Variants in MEGF11 observed in about 807,000 individuals in gnomAD.
MEGF11 encodes the protein multiple epidermal growth factor-like domains protein 11.
Under a neutral mutation model 146.6 loss-of-function variants are expected in MEGF11, and 126 were observed. The observed-to-expected ratio is 0.86, with a 90% confidence interval of 0.74 to 1.00. MEGF11 has a LOEUF of 1.00. Among genes scored for constraint, MEGF11 ranks in the 50% least tolerant of loss-of-function variants. MEGF11 has a pLI of 0.00. For missense variants in MEGF11, 1,509 were observed against 1,521.2 expected, an observed-to-expected ratio of 0.99 and a Z score of 0.13; for synonymous variants, 532 against 583.4, an observed-to-expected ratio of 0.91 and a Z score of 1.27.
At chr15:66,079,537 A>ACTCC (rs1555468258) in intron 5 of MEGF11, among the ~76,000 whole-genome samples, 1 of 122,060 alleles carries the variant, frequency 8.2e-6, no homozygotes, top group African/African-American at 3.5e-5. Flanking sequence ...CTTCATTCAC[A>ACTCC]CCCCCCCCCC....
chr15:66,012,666 C>T (rs886748390), intron 5 of MEGF11, among the ~76,000 whole-genome samples: 5 of 152,202 alleles, frequency 3.3e-5, no homozygotes, highest in Admixed American at 2.6e-4. Flanking sequence ...CTGTTGGGAA[C>T]AAATAAGAAA....
At position 65,982,809 on chromosome 15, in the gene MEGF11, C is replaced by T. The variant is rs1202878226; in HGVS notation, c.395-321G>A. 6.6e-6 allele frequency among the ~76,000 whole-genome samples: 1 copy of T among 152,168 alleles called. No individual in the cohort carries two copies. The highest frequency in any genetic ancestry group is 1.5e-5 in the Non-Finnish European group (1 of 68,006). ...CCTCTCCTGTATTGAAATTCCGGAGCCACAAGCTGTTTACATCCCTCTTTG... is the reference window on the plus strand; with the variant it reads ...CCTCTCCTGTATTGAAATTCCGGAGTCACAAGCTGTTTACATCCCTCTTTG... On this transcript the variant is annotated intron_variant, in intron 5 of 25. Transcript: ENST00000395614. The surrounding 1 kb of genome is among the most constrained non-coding windows in gnomAD (Gnocchi z 5.6).
At chr15:66,241,933 A>T (rs2092218928) in intron 1 of MEGF11, among the ~76,000 whole-genome samples, 1 of 152,204 alleles carries the variant, frequency 6.6e-6, no homozygotes, top group South Asian at 2.1e-4. Flanking sequence ...AAAGAGAAAC[A>T]CACCAATCTA....
At chr15:66,115,139 G>A (rs1446124797) in intron 4 of MEGF11, among the ~76,000 whole-genome samples, 1 of 152,194 alleles carries the variant, frequency 6.6e-6, no homozygotes, top group South Asian at 2.1e-4. Context: ...ACATCCTCCC[G>A]CCCTGCCCAG....
intron 10 of MEGF11, among the ~76,000 whole-genome samples, chr15:65,941,741 T>C (rs2079999859): frequency 6.6e-6 from 1 of 152,256 alleles, no homozygotes; most frequent in African/African-American, 2.4e-5. Flanking sequence ...ATTTGTACTT[T>C]ACTAGGAGAC....
At chr15:66,080,784 C>T (rs151251506) in intron 5 of MEGF11, among the ~76,000 whole-genome samples, 90 of 152,352 alleles carry the variant, frequency 5.9e-4, no homozygotes, top group Admixed American at 5.2e-3. Context: ...CTTCTGTCCC[C>T]GTCACGGTGA....
chr15:65,937,670 A>G (rs1244496946), intron 10 of MEGF11, among the ~76,000 whole-genome samples: 8 of 152,254 alleles, frequency 5.3e-5, no homozygotes, highest in African/African-American at 1.9e-4. Flanking sequence ...GCCACATGCC[A>G]TGTGACTCTA....
intron 18 of MEGF11, among the ~76,000 whole-genome samples, chr15:65,915,820 T>C (rs1413123723): frequency 2.0e-5 from 3 of 152,054 alleles, no homozygotes; most frequent in African/African-American, 7.2e-5. Flanking sequence ...ATGCAACACA[T>C]TTAAGCAGTA....
intron 1 of MEGF11, among the ~76,000 whole-genome samples, chr15:66,134,223 C>T (rs114302765): frequency 0.018 from 2,714 of 152,270 alleles, 23 homozygotes; most frequent in South Asian, 0.024. Context: ...GCCAGCCTCC[C>T]TCCCACAACA....
chr15:65,981,010 G>T lies in MEGF11; in HGVS notation c.642-112C>A, dbSNP rs114146762. ...TCCGCAGTTAATGGATCTGTATTAG[G>T]CACAGCATCCGCTGAACTGCAGTCC... On this transcript the variant is annotated intron_variant, in intron 6 of 25. Coordinates refer to ENST00000395614, the MANE Select transcript of MEGF11 (RefSeq NM_001385028.1). The T allele has an allele frequency of 1.5e-3, 1,982 of 1,337,912 alleles. 35 individuals are homozygous for T. The African/African-American group carries it at 0.027, about 18-fold the overall frequency. 82.9% of individuals were successfully genotyped at this position (1,337,912 alleles called of 1,614,324 possible). A position where few individuals can be genotyped will look rare whatever the true frequency, so the allele number is the denominator to read the frequency against.
At chr15:66,228,153 C>G (rs1316926049) in intron 1 of MEGF11, among the ~76,000 whole-genome samples, 1 of 152,188 alleles carries the variant, frequency 6.6e-6, no homozygotes, top group African/African-American at 2.4e-5. Flanking sequence ...CAGAGAATCT[C>G]AAAATCCAAG....
intron 1 of MEGF11, among the ~76,000 whole-genome samples, chr15:66,210,072 T>G (rs565649017): frequency 6.6e-6 from 1 of 152,252 alleles, no homozygotes; most frequent in South Asian, 2.1e-4. Flanking sequence ...GCGATCCTTC[T>G]GCCTCAGCCT....
chr15:65,984,040 C>A (rs1038920008), intron 5 of MEGF11, among the ~76,000 whole-genome samples: 1 of 152,174 alleles, frequency 6.6e-6, no homozygotes, highest in African/African-American at 2.4e-5. Context: ...CAGACAGAAT[C>A]ACCAAGGCCT....
At chr15:66,253,388 C>T (rs993788536) in intron 1 of MEGF11, among the ~76,000 whole-genome samples, 1 of 152,210 alleles carries the variant, frequency 6.6e-6, no homozygotes, top group Admixed American at 6.5e-5. Flanking sequence ...GACCCCCTGG[C>T]GCTCCTGCAA....
chr15:66,037,620 G>A (rs1206123504), intron 5 of MEGF11, among the ~76,000 whole-genome samples: 1 of 152,214 alleles, frequency 6.6e-6, no homozygotes, highest in Non-Finnish European at 1.5e-5. Context: ...GGGCAAGTGG[G>A]TGGAGAAATG....
At chr15:65,941,652 T>C (rs531482092) in intron 10 of MEGF11, among the ~76,000 whole-genome samples, 1 of 152,360 alleles carries the variant, frequency 6.6e-6, no homozygotes, top group South Asian at 2.1e-4. Context: ...CTAACCATTC[T>C]CTTTCCTGAG....
At chr15:65,999,232 G>A (rs547601950) in intron 5 of MEGF11, among the ~76,000 whole-genome samples, 27 of 151,482 alleles carry the variant, frequency 1.8e-4, no homozygotes, top group Admixed American at 1.5e-3. Context: ...GTCTCCCTAC[G>A]TTGCCCAGGC....
At chr15:66,177,434 A>C (rs1213042957) in intron 1 of MEGF11, among the ~76,000 whole-genome samples, 1 of 152,144 alleles carries the variant, frequency 6.6e-6, no homozygotes, top group Non-Finnish European at 1.5e-5. Flanking sequence ...TGTATTCAGC[A>C]ATCACTCTTC....
At chr15:66,015,183 C>T (rs1346549635) in intron 5 of MEGF11, among the ~76,000 whole-genome samples, 1 of 152,198 alleles carries the variant, frequency 6.6e-6, no homozygotes, top group Non-Finnish European at 1.5e-5. Context: ...GGTCTACATA[C>T]CCAAGTCCCC....
Sources: allele counts gnomAD v4.1 joint callset (sites outside exome capture counted in the v4.1 genomes callset), GRCh38; gene constraint gnomAD v4.1.1; non-coding constraint Gnocchi (gnomAD v3.1); transcripts MANE v1.5; gene names NCBI Gene and HGNC (gene_info 2026-07-23, HGNC 2026-07-21).